The following SPAG16 variants were observed in gnomAD, a reference collection of about 807,000 sequenced individuals.
SPAG16 encodes the protein sperm-associated antigen 16 protein.
SPAG16 carries 86 observed loss-of-function variants against 80.4 expected under a neutral mutation model. The observed-to-expected ratio is 1.07, with a 90% CI of 0.90 to 1.28. SPAG16 has a LOEUF of 1.28. SPAG16 is among the 50% of genes most tolerant of loss of function. SPAG16 has a pLI of 0.00. For synonymous variants in SPAG16, 294 were observed against 265.9 expected (o/e 1.11, Z -1.03); for missense variants, 870 against 765.3 (o/e 1.14, Z -1.61).
chr2:213,715,230 A>G (rs193018421), intron 10 of SPAG16, among the ~76,000 whole-genome samples: 29 of 139,792 alleles, frequency 2.1e-4, no homozygotes, highest in African/African-American at 6.3e-4. Flanking sequence ...CTGTCTATCT[A>G]TCTATCTATC....
chr2:214,407,313 A>G (rs1702048612), intron 15 of SPAG16, among the ~76,000 whole-genome samples: 1 of 152,072 alleles, frequency 6.6e-6, no homozygotes, highest in African/African-American at 2.4e-5. Flanking sequence ...ACATGTTACA[A>G]GACAATATTT....
At chr2:214,159,976 A>G (rs962546284) in intron 15 of SPAG16, among the ~76,000 whole-genome samples, 10 of 152,000 alleles carry the variant, frequency 6.6e-5, no homozygotes, top group Admixed American at 3.9e-4. Flanking sequence ...TAAGCCTACT[A>G]TATGCCAGGC....
At chr2:213,402,426 A>T (rs546861846) in intron 9 of SPAG16, among the ~76,000 whole-genome samples, 256 of 151,878 alleles carry the variant, frequency 1.7e-3, no homozygotes, top group African/African-American at 5.7e-3. Flanking sequence ...AGTTTTTTTT[A>T]AATTTTATTA....
intron 14 of SPAG16, among the ~76,000 whole-genome samples, chr2:214,113,925 G>A (rs566814261): frequency 1.6e-4 from 24 of 152,248 alleles, no homozygotes; most frequent in African/African-American, 4.8e-4. Context: ...AGAATTTTCA[G>A]CTTTTCTGCT....
At chr2:213,594,830 CTT>C (rs2060832373) in intron 10 of SPAG16, among the ~76,000 whole-genome samples, 1 of 152,002 alleles carries the variant, frequency 6.6e-6, no homozygotes, top group Admixed American at 6.6e-5. Flanking sequence ...AACATATGTT[CTT>C]TTAAAATGTA....
At chr2:213,941,425 T>C (rs888881057) in intron 12 of SPAG16, among the ~76,000 whole-genome samples, 5 of 151,996 alleles carry the variant, frequency 3.3e-5, no homozygotes, top group African/African-American at 1.2e-4. Flanking sequence ...TTTGCATACA[T>C]ATATATTAAT....
chr2:213,477,693 G>C (rs994635509), intron 9 of SPAG16, among the ~76,000 whole-genome samples: 2 of 152,154 alleles, frequency 1.3e-5, no homozygotes. Context: ...TAACTAACTT[G>C]CTTTTGATTT....
At position 213,815,330 on chromosome 2, in the gene SPAG16, T is replaced by G. The variant is rs543771944; in HGVS notation, c.1071-47155T>G. Among the ~76,000 whole-genome samples the G allele has an allele frequency of 5.9e-5, 9 of 152,220 alleles. No individual in the cohort carries two copies. The South Asian group carries it at 1.5e-3, about 25-fold the overall frequency. On this transcript the variant is annotated intron_variant, in intron 10 of 15. Coordinates refer to ENST00000331683, the MANE Select transcript of SPAG16 (RefSeq NM_024532.5). ...GGAGCCAGATTTGCAGGGAAGGTAA[T>G]TGACTGAAAAGAACACAAGGGAATT...
intron 15 of SPAG16, among the ~76,000 whole-genome samples, chr2:214,275,593 T>C (rs1692404734): frequency 1.3e-5 from 2 of 152,244 alleles, no homozygotes; most frequent in Non-Finnish European, 2.9e-5. Context: ...TTCCATGTAG[T>C]TGTGCCATTT....
At chr2:213,965,918 T>A (rs2044689550) in intron 12 of SPAG16, among the ~76,000 whole-genome samples, 1 of 152,220 alleles carries the variant, frequency 6.6e-6, no homozygotes, top group East Asian at 1.9e-4. Flanking sequence ...TCTGGTTCTG[T>A]AGGAATACTT....
intron 10 of SPAG16, among the ~76,000 whole-genome samples, chr2:213,573,447 C>T (rs1576025787): frequency 6.6e-6 from 1 of 152,178 alleles, no homozygotes; most frequent in Admixed American, 6.5e-5. Flanking sequence ...TTGCATTAAT[C>T]TGTACATGAT....
intron 12 of SPAG16, among the ~76,000 whole-genome samples, chr2:213,961,961 ATTC>A (rs938829658): frequency 6.6e-6 from 1 of 152,032 alleles, no homozygotes; most frequent in South Asian, 2.1e-4. Flanking sequence ...ATTGATATTA[ATTC>A]TTCTTTGAAT....
At chr2:213,735,696 T>C (rs1234217961) in intron 10 of SPAG16, among the ~76,000 whole-genome samples, 4 of 152,122 alleles carry the variant, frequency 2.6e-5, no homozygotes, top group African/African-American at 9.7e-5. Flanking sequence ...CACACTTAAG[T>C]AAAAGAGGGG....
At chr2:213,874,128 G>C (rs1166066390) in intron 11 of SPAG16, among the ~76,000 whole-genome samples, 1 of 152,106 alleles carries the variant, frequency 6.6e-6, no homozygotes, top group African/African-American at 2.4e-5. Flanking sequence ...AGGAATGGAA[G>C]CTGCTCTGGG....
chr2:214,407,370 T>A (rs1702050763), intron 15 of SPAG16, among the ~76,000 whole-genome samples: 1 of 152,126 alleles, frequency 6.6e-6, no homozygotes, highest in Non-Finnish European at 1.5e-5. Flanking sequence ...ATAAATTATT[T>A]AATTTCACAT....
Position 213,340,230 on chromosome 2 carries a change from A to G in SPAG16, c.604A>G (p.Ile202Val). The change falls in exon 6 of 16, where the codon ATA becomes GTA. Residue 202 changes from isoleucine (I) to valine (V), a missense_variant. Coordinates refer to ENST00000331683, the MANE Select transcript of SPAG16 (RefSeq NM_024532.5). Reference sequence around the variant, plus strand: ...TTTTCATCGAATGCATCATAAGCGAATAGTCCAGGAAAAAAACAAATTAAT... The same window carrying G: ...TTTTCATCGAATGCATCATAAGCGAGTAGTCCAGGAAAAAAACAAATTAAT... ...RDFHRMHHKRIVQEKNKLIND... is the reference protein window; with the variant it reads ...RDFHRMHHKRVVQEKNKLIND... 1 of 1,612,932 alleles carries G rather than the reference A, an allele frequency of 6.2e-7. No homozygotes were observed. Among genetic ancestry groups the G allele is most frequent in the Non-Finnish European group, 8.5e-7 (1 of 1,179,436 alleles).
chr2:213,405,668 A>G lies in SPAG16; in HGVS notation c.942+30549A>G, dbSNP rs1021358617. 2.6e-5 allele frequency among the ~76,000 whole-genome samples: 4 copies of G among 152,070 alleles called. No individual in the cohort carries two copies. The South Asian group carries it at 8.3e-4, about 32-fold the overall frequency. On this transcript the variant is annotated intron_variant, in intron 9 of 15. Transcript: ENST00000331683. Reference sequence around the variant, plus strand: ...CCCAGTCTCTGGTAACCACCATTCTATTCATTACCTCCATGAGGCCAACTT... The same window carrying G: ...CCCAGTCTCTGGTAACCACCATTCTGTTCATTACCTCCATGAGGCCAACTT...
chr2:214,312,771 G>T (rs1480308990), intron 15 of SPAG16, among the ~76,000 whole-genome samples: 2 of 152,164 alleles, frequency 1.3e-5, no homozygotes, highest in Admixed American at 1.3e-4. Flanking sequence ...TTATTTTTCT[G>T]AAGTATCATT....
chr2:213,292,068 C>CG (rs2062296501), intron 1 of SPAG16, among the ~76,000 whole-genome samples: 1 of 152,120 alleles, frequency 6.6e-6, no homozygotes. Context: ...TTCTATGCTT[C>CG]GAGGACAAAT....
Sources: allele counts gnomAD v4.1 joint callset (sites outside exome capture counted in the v4.1 genomes callset), GRCh38; gene constraint gnomAD v4.1.1; transcripts MANE v1.5; gene names NCBI Gene and HGNC (gene_info 2026-07-23, HGNC 2026-07-21).